Variants in ATP6AP2 observed in about 807,000 individuals in gnomAD.
ATP6AP2 encodes the protein renin receptor.
ATP6AP2 carries 1 observed loss-of-function variant against 23.4 expected under a neutral mutation model. The observed-to-expected ratio is 0.04, with a 90% CI of 0.02 to 0.20. The LOEUF is 0.20. ATP6AP2 is among the 10% of genes least tolerant of loss of function. The pLI, the probability that ATP6AP2 is intolerant of heterozygous loss-of-function variation, is 1.00. For missense variants in ATP6AP2, 174 were observed against 271.3 expected (o/e 0.64, Z 2.52); for synonymous variants, 90 against 97.1 (o/e 0.93, Z 0.43).
chrX:40,605,760 T>A lies in ATP6AP2; in HGVS notation c.*5T>A. 5.0e-6 allele frequency: 6 copies of A among 1,199,030 alleles called. No homozygotes were observed. The highest frequency in any genetic ancestry group is 6.8e-6 in the Non-Finnish European group (6 of 884,564). On this transcript the variant is annotated 3_prime_UTR_variant, in exon 9 of 9. Coordinates refer to ENST00000636580, the MANE Select transcript of ATP6AP2 (RefSeq NM_005765.3). ...CAGAAGATTCGAATGGATTGAATGT[T>A]ACCTGTGCCAGAATTAGAAAAGGGG...
At chrX:40,585,930 C>T (rs1190997701) in intron 1 of ATP6AP2, among the ~76,000 whole-genome samples, 1 of 111,533 alleles carries the variant, frequency 9.0e-6, no homozygotes, top group Non-Finnish European at 1.9e-5. Flanking sequence ...TAGAAGCAAA[C>T]GGTGGTTGAC....
chrX:40,582,155 C>A (rs1264736821), intron 1 of ATP6AP2, among the ~76,000 whole-genome samples: 1 of 111,662 alleles, frequency 9.0e-6, no homozygotes, highest in Admixed American at 9.5e-5. Flanking sequence ...AGGCCGGGCG[C>A]GGTGGTTCAC....
At chrX:40,582,060 G>A (rs1345021951) in intron 1 of ATP6AP2, among the ~76,000 whole-genome samples, 2 of 112,066 alleles carry the variant, frequency 1.8e-5, no homozygotes, top group African/African-American at 6.5e-5. Context: ...TGGAGGCACA[G>A]ACAGTAGTGA....
chrX:40,581,191 C>T, intron 1 of ATP6AP2, 89 bp downstream of exon 1: 1 of 938,989 alleles, frequency 1.1e-6, no homozygotes, highest in Non-Finnish European at 1.4e-6. Context: ...CGAGTAGCTG[C>T]GAGGCAGGTG....
intron 1 of ATP6AP2, among the ~76,000 whole-genome samples, chrX:40,584,574 G>A (rs934993621): frequency 1.8e-5 from 2 of 110,442 alleles, no homozygotes; most frequent in Non-Finnish European, 1.9e-5. Flanking sequence ...TCCACCTTCC[G>A]GGTTCAAGTG....
chrX:40,605,858 TA>T lies in ATP6AP2; in HGVS notation c.*112del, dbSNP rs922725107. ...AAGTAGATAGTATACTTTACATTTA[TA>T]AAAAAAAATCAAATTTTGTTCTTTA... is the stretch of plus-strand genomic sequence containing the variant. On this transcript the variant is annotated 3_prime_UTR_variant, in exon 9 of 9. Coordinates refer to ENST00000636580, the MANE Select transcript of ATP6AP2 (RefSeq NM_005765.3). The T allele has an allele frequency of 1.1e-4, 80 of 729,431 alleles. No individual in the cohort carries two copies. The highest frequency in any genetic ancestry group is 1.3e-4 in the Non-Finnish European group (67 of 500,866). 60.1% of individuals were successfully genotyped at this position (729,431 alleles called of 1,213,427 possible).
chrX:40,605,834 A>G lies in ATP6AP2; in HGVS notation c.*79A>G. On this transcript the variant is annotated 3_prime_UTR_variant, in exon 9 of 9. Coordinates refer to ENST00000636580, the MANE Select transcript of ATP6AP2 (RefSeq NM_005765.3). ...AAATATATCTTTTAGTGTGCTTTAA[A>G]GTAGATAGTATACTTTACATTTATA... 1.2e-6 allele frequency: 1 copy of G among 861,444 alleles called. No individual in the cohort carries two copies. Among genetic ancestry groups the G allele is most frequent in the South Asian group, 2.1e-5 (1 of 46,685 alleles). 71.0% of individuals were successfully genotyped at this position (861,444 alleles called of 1,213,427 possible).
intron 8 of ATP6AP2, 49 bp downstream of exon 8, chrX:40,600,930 A>AC: frequency 1.9e-6 from 2 of 1,058,501 alleles, no homozygotes; most frequent in Non-Finnish European, 2.5e-6. Context: ...TTAACTTCTT[A>AC]TAAAAAAAAA....
chrX:40,597,309 A>G lies in ATP6AP2; in HGVS notation c.361A>G (p.Thr121Ala). 1 of 1,206,794 alleles carries G rather than the reference A, an allele frequency of 8.3e-7. No homozygotes were observed. The highest frequency in any genetic ancestry group is 1.1e-6 in the Non-Finnish European group (1 of 891,359). ...CATTCACTCCTTATTTTCTGAGGAA[A>G]CTCCTGTTGTTTTGCAGTTGGCTCC... is the stretch of plus-strand genomic sequence containing the variant. ...NSIHSLFSEE[T>A]PVVLQLAPSE... Residue 121 changes from threonine to alanine, a missense_variant, in exon 4 of 9, where the codon ACT becomes GCT. Transcript: ENST00000636580.
rs142175071 is a variant in ATP6AP2, at chrX:40,597,333, C to T, written c.385C>T (p.Pro129Ser). 1.1e-5 allele frequency: 13 copies of T among 1,191,308 alleles called. No homozygotes were observed. Among genetic ancestry groups the T allele is most frequent in the Non-Finnish European group, 1.3e-5 (11 of 878,562 alleles). The stretch of plus-strand genomic sequence containing the variant: ...AACTCCTGTTGTTTTGCAGTTGGCT[C>T]CCAGTGAGGAAGTAAGTGATAAGGG... ...EETPVVLQLA[P>S]SEERVYMVGK... Residue 129 changes from proline to serine, a missense_variant, in exon 4 of 9, where the codon CCC (proline) becomes TCC (serine). Transcript: ENST00000636580.
At chrX:40,592,211 T>C (rs956097840) in intron 3 of ATP6AP2, 2 of 112,587 alleles carry the variant, frequency 1.8e-5, no homozygotes, top group East Asian at 5.5e-4. Flanking sequence ...AGGGCTCCTT[T>C]GGTCAAATAC....
chrX:40,582,119 CAG>C (rs1266687384), intron 1 of ATP6AP2, among the ~76,000 whole-genome samples: 1 of 111,812 alleles, frequency 8.9e-6, no homozygotes, highest in Admixed American at 9.5e-5. Context: ...GCTCTGATCT[CAG>C]TGTGTCAGTT....
chrX:40,585,549 T>C (rs1926443193), intron 1 of ATP6AP2, among the ~76,000 whole-genome samples: 1 of 111,391 alleles, frequency 9.0e-6, no homozygotes, highest in African/African-American at 3.3e-5. Context: ...TTCAGTGGCA[T>C]GGTGGGCTTG....
At chrX:40,581,493 A>G (rs1926324186) in intron 1 of ATP6AP2, among the ~76,000 whole-genome samples, 1 of 113,172 alleles carries the variant, frequency 8.8e-6, no homozygotes, top group Non-Finnish European at 1.9e-5. Context: ...ACTGGCTGCC[A>G]CGATGTTTTT....
At chrX:40,583,906 G>A (rs1926391892) in intron 1 of ATP6AP2, among the ~76,000 whole-genome samples, 1 of 111,463 alleles carries the variant, frequency 9.0e-6, no homozygotes, top group South Asian at 3.8e-4. Context: ...ATGGTGAATT[G>A]GGTGTGTTTT....
intron 1 of ATP6AP2, among the ~76,000 whole-genome samples, chrX:40,587,483 A>G (rs937835016): frequency 2.7e-5 from 3 of 111,892 alleles, no homozygotes; most frequent in Non-Finnish European, 5.6e-5. Flanking sequence ...TGAAATTTGT[A>G]ACTCCCGTGT....
intron 1 of ATP6AP2, among the ~76,000 whole-genome samples, chrX:40,588,557 T>C (rs1331092882): frequency 9.0e-6 from 1 of 111,566 alleles, no homozygotes; most frequent in East Asian, 2.8e-4. Context: ...CTTTGTTTTT[T>C]GTTTTTTAAA....
intron 6 of ATP6AP2, chrX:40,598,967 C>G: frequency 2.5e-6 from 1 of 403,890 alleles, no homozygotes; most frequent in African/African-American, 2.5e-5. Context: ...AGAACACAAG[C>G]CTGGGCGTAA....
At chrX:40,605,297 A>C in intron 8 of ATP6AP2, 1 of 361,885 alleles carries the variant, frequency 2.8e-6, no homozygotes, top group East Asian at 4.8e-5. Context: ...GTATGGACTT[A>C]CTGGATCACA....
Sources: allele counts gnomAD v4.1 joint callset (sites outside exome capture counted in the v4.1 genomes callset), GRCh38; gene constraint gnomAD v4.1.1; transcripts MANE v1.5; gene names NCBI Gene and HGNC (gene_info 2026-07-23, HGNC 2026-07-21).